CDH12: variants seen among roughly 807,000 people sequenced by gnomAD.
CDH12 encodes cadherin 12, also known as cadherin-12.
CDH12 carries 41 observed loss-of-function variants against 74.1 expected under a neutral mutation model. The ratio of observed to expected loss-of-function variants is 0.55; its 90% CI spans 0.43 to 0.72. The LOEUF (loss-of-function observed/expected upper bound fraction) is 0.72, where lower values mean the gene tolerates loss of function less well. CDH12 is among the 30% of genes least tolerant of loss of function. The pLI is 0.00. For missense variants in CDH12, 945 were observed against 977.2 expected, an observed-to-expected ratio of 0.97 and a Z score of 0.44; for synonymous variants, 399 against 355.0, an observed-to-expected ratio of 1.12 and a Z score of -1.39.
intron 3 of CDH12, among the ~76,000 whole-genome samples, chr5:22,346,105 CAAAAA>C (rs5866560): frequency 9.8e-6 from 1 of 101,644 alleles, no homozygotes. Context: ...GACTTCATCT[CAAAAA>C]AAAAAAAAAA....
At chr5:21,832,830 TA>T (rs1252518658) in intron 8 of CDH12, among the ~76,000 whole-genome samples, 67 of 115,302 alleles carry the variant, frequency 5.8e-4, no homozygotes, top group African/African-American at 2.1e-3. Flanking sequence ...ATATATATTA[TA>T]ATAATATAAA....
chr5:22,844,985 C>T (rs12521133), intron 1 of CDH12, among the ~76,000 whole-genome samples: 9,971 of 151,854 alleles, frequency 0.066, 426 homozygotes, highest in South Asian at 0.12. Context: ...ATCTTAGAGC[C>T]AATTAAGGCA....
At chr5:22,158,330 C>T (rs566593972) in intron 4 of CDH12, among the ~76,000 whole-genome samples, 4 of 152,090 alleles carry the variant, frequency 2.6e-5, no homozygotes, top group East Asian at 3.9e-4. Context: ...TTTACATGCA[C>T]GCTCCCCTCA....
In CDH12 at chr5:22,499,048, C is replaced by T. The variant is rs1747228314; in HGVS notation, c.-428+6222G>A. 2.0e-5 allele frequency among the ~76,000 whole-genome samples: 3 copies of T among 151,156 alleles called. No individual in the cohort carries two copies. In the South Asian group the frequency reaches 6.3e-4, roughly 32 times the overall value. The stretch of plus-strand genomic sequence containing the variant: ...CCTCTCAAGTACCGGGGATTACAGG[C>T]ACCTGCTACCATACCCGGCTAATTT... On this transcript the variant is annotated intron_variant, in intron 2 of 14. Coordinates refer to ENST00000382254, the MANE Select transcript of CDH12 (RefSeq NM_004061.5).
At chr5:22,137,901 C>A (rs1746552850) in intron 4 of CDH12, among the ~76,000 whole-genome samples, 1 of 152,040 alleles carries the variant, frequency 6.6e-6, no homozygotes, top group Non-Finnish European at 1.5e-5. Flanking sequence ...TACACTACTG[C>A]TCATTTCAGA....
intron 8 of CDH12, among the ~76,000 whole-genome samples, chr5:21,828,811 C>T (rs913416899): frequency 2.6e-5 from 4 of 151,256 alleles, no homozygotes; most frequent in Non-Finnish European, 5.9e-5. Flanking sequence ...CTTTCAGGGA[C>T]AACCTAAAGC....
intron 11 of CDH12, among the ~76,000 whole-genome samples, chr5:21,765,425 T>C (rs1044217368): frequency 6.6e-6 from 1 of 151,948 alleles, no homozygotes; most frequent in Non-Finnish European, 1.5e-5. Flanking sequence ...AGATGAAAAA[T>C]TGTCTATGTT....
At chr5:22,537,879 T>C (rs1737927062) in intron 1 of CDH12, among the ~76,000 whole-genome samples, 1 of 152,248 alleles carries the variant, frequency 6.6e-6, no homozygotes, top group Admixed American at 6.5e-5. Context: ...AAGAAAAGGC[T>C]GTGAATGATT....
intron 1 of CDH12, among the ~76,000 whole-genome samples, chr5:22,681,350 C>A (rs1741484401): frequency 6.6e-6 from 1 of 150,602 alleles, no homozygotes; most frequent in Admixed American, 6.7e-5. Context: ...AAACTTCATT[C>A]TTAGCCATGT....
At chr5:21,919,754 T>A (rs1313578435) in intron 6 of CDH12, among the ~76,000 whole-genome samples, 1 of 152,154 alleles carries the variant, frequency 6.6e-6, no homozygotes, top group Non-Finnish European at 1.5e-5. Context: ...CATTAAAAAA[T>A]TAATTAATAT....
intron 1 of CDH12, among the ~76,000 whole-genome samples, chr5:22,754,292 C>T (rs369502142): frequency 1.3e-5 from 2 of 151,988 alleles, no homozygotes; most frequent in African/African-American, 4.8e-5. Flanking sequence ...CAAACAAAAA[C>T]GAAAACAAAA....
intron 1 of CDH12, among the ~76,000 whole-genome samples, chr5:22,774,305 G>C (rs1488938248): frequency 1.3e-5 from 2 of 152,096 alleles, no homozygotes; most frequent in Non-Finnish European, 2.9e-5. Flanking sequence ...ATAAAAACAT[G>C]AAATCATGTC....
intron 4 of CDH12, among the ~76,000 whole-genome samples, chr5:22,124,826 C>T (rs1237596356): frequency 6.6e-6 from 1 of 152,196 alleles, no homozygotes; most frequent in African/African-American, 2.4e-5. Context: ...TCTTTCAGAA[C>T]ATGTGCATGA....
intron 5 of CDH12, among the ~76,000 whole-genome samples, chr5:22,047,460 G>A (rs1368388433): frequency 1.3e-5 from 2 of 151,870 alleles, no homozygotes; most frequent in African/African-American, 4.8e-5. Flanking sequence ...AGCTCATTCT[G>A]TTTAGGTCTC....
chr5:22,768,986 T>A (rs1193087033), intron 1 of CDH12, among the ~76,000 whole-genome samples: 1 of 152,160 alleles, frequency 6.6e-6, no homozygotes. Flanking sequence ...TCGCTTAGGT[T>A]GTTCTGACAT....
intron 4 of CDH12, among the ~76,000 whole-genome samples, chr5:22,129,603 A>C (rs1746070407): frequency 6.6e-6 from 1 of 152,178 alleles, no homozygotes; most frequent in South Asian, 2.1e-4. Context: ...TAAGACAAAG[A>C]TAGCGGGCAT....
At chr5:22,046,989 G>C (rs74371398) in intron 5 of CDH12, among the ~76,000 whole-genome samples, 3,129 of 152,224 alleles carry the variant, frequency 0.021, 99 homozygotes, top group African/African-American at 0.071. Flanking sequence ...GCCCACTGTA[G>C]TCTCAGAAAT....
intron 4 of CDH12, among the ~76,000 whole-genome samples, chr5:22,209,703 G>A (rs1187239691): frequency 3.3e-5 from 5 of 150,794 alleles, no homozygotes; most frequent in African/African-American, 4.9e-5. Flanking sequence ...AGTACATGCT[G>A]GTTTCCAATA....
chr5:22,672,930 T>C (rs1561567497), intron 1 of CDH12, among the ~76,000 whole-genome samples: 1 of 152,206 alleles, frequency 6.6e-6, no homozygotes, highest in Non-Finnish European at 1.5e-5. Flanking sequence ...ATTTTATGCC[T>C]AATGTCATTG....
Sources: allele counts gnomAD v4.1 joint callset (sites outside exome capture counted in the v4.1 genomes callset), GRCh38; gene constraint gnomAD v4.1.1; transcripts MANE v1.5; gene names NCBI Gene and HGNC (gene_info 2026-07-23, HGNC 2026-07-21).